The following TRAPPC13 variants were observed in gnomAD, a reference collection of about 807,000 sequenced individuals.
TRAPPC13 encodes REV7-interacting novel NHEJ regulator 1.
Under a neutral mutation model 54.0 loss-of-function variants are expected in TRAPPC13, and 39 were observed. The observed-to-expected ratio is 0.72, with a 90% CI of 0.56 to 0.94. The LOEUF (loss-of-function observed/expected upper bound fraction) is 0.94, where lower values mean the gene tolerates loss of function less well. Among genes scored for constraint, TRAPPC13 ranks in the 40% least tolerant of loss-of-function variants. The probability of loss-of-function intolerance (pLI) is 0.00; values close to 1 mark genes in which losing one functional copy is unlikely to be tolerated. For missense variants in TRAPPC13, 386 were observed against 488.1 expected (o/e 0.79, Z 1.97); for synonymous variants, 148 against 167.7 (o/e 0.88, Z 0.91).
Position 65,630,286 on chromosome 5 carries a change from T to TA in TRAPPC13, c.47-5014dup, listed in dbSNP as rs766461462. On this transcript the variant is annotated intron_variant, in intron 1 of 12. Coordinates refer to ENST00000399438, the MANE Select transcript of TRAPPC13 (RefSeq NM_024941.4). ...GTCTTCTTAAAGGAAGATTAGCTCT[T>TA]ACTGGAAAAATTAATTTATTTGTGC... is the stretch of plus-strand genomic sequence containing the variant. 3.9e-6 allele frequency: 6 copies of TA among 1,532,454 alleles called. No individual in the cohort carries two copies. The Admixed American group carries it at 7.9e-5, about 20-fold the overall frequency. 94.9% of individuals were successfully genotyped at this position (1,532,454 alleles called of 1,614,324 possible). A position where few individuals can be genotyped will look rare whatever the true frequency, so the allele number is the denominator to read the frequency against.
At chr5:65,625,296 C>T (rs529894513) in intron 1 of TRAPPC13, 190 bp downstream of exon 1, 18 of 594,190 alleles carry the variant, frequency 3.0e-5, no homozygotes, top group African/African-American at 2.8e-4. Context: ...CTTTCTAGAA[C>T]GAAATAGATA....
intron 1 of TRAPPC13, chr5:65,630,663 C>A: frequency 9.9e-7 from 1 of 1,008,902 alleles, no homozygotes; most frequent in Non-Finnish European, 1.2e-6. Context: ...TTTTCCTTAC[C>A]TCAAGTGTAA....
At chr5:65,635,889 G>A in intron 2 of TRAPPC13, 55 bp from the exon 3 acceptor site, 6 of 1,104,016 alleles carry the variant, frequency 5.4e-6, no homozygotes, top group South Asian at 4.7e-5. Flanking sequence ...CTTTATATAA[G>A]TAAAAGTTAT....
At chr5:65,662,191 C>A in intron 11 of TRAPPC13, 41 bp downstream of exon 11, 1 of 1,380,090 alleles carries the variant, frequency 7.2e-7, no homozygotes, top group Non-Finnish European at 1.0e-6. Flanking sequence ...TTCTACCTCA[C>A]CTGCCTAGAA....
chr5:65,632,710 G>A (rs1291142092), intron 1 of TRAPPC13, among the ~76,000 whole-genome samples: 1 of 152,182 alleles, frequency 6.6e-6, no homozygotes, highest in Non-Finnish European at 1.5e-5. Context: ...TGTTCAGCTT[G>A]TAAAATATTT....
intron 4 of TRAPPC13, among the ~76,000 whole-genome samples, chr5:65,640,583 G>A (rs944823375): frequency 6.6e-6 from 1 of 152,090 alleles, no homozygotes; most frequent in Non-Finnish European, 1.5e-5. Flanking sequence ...CTCTACATTC[G>A]ATTGTGAAAA....
intron 1 of TRAPPC13, chr5:65,629,741 A>C: frequency 6.5e-7 from 1 of 1,536,106 alleles, no homozygotes; most frequent in Non-Finnish European, 8.7e-7. Context: ...GCTTCCACTC[A>C]GACCTAAAAG....
chr5:65,628,564 C>G (rs146146457), intron 1 of TRAPPC13, among the ~76,000 whole-genome samples: 3 of 151,688 alleles, frequency 2.0e-5, no homozygotes, highest in African/African-American at 7.3e-5. Flanking sequence ...CTCAACCTCC[C>G]GGGTTCAAGC....
chr5:65,654,306 T>G (rs1320514418), intron 7 of TRAPPC13, among the ~76,000 whole-genome samples: 2 of 152,218 alleles, frequency 1.3e-5, no homozygotes, highest in East Asian at 3.8e-4. Flanking sequence ...ATATATAATA[T>G]TCTATTTTTA....
At position 65,658,495 on chromosome 5, in the gene TRAPPC13, G is replaced by A. The variant is rs1273938933; in HGVS notation, c.692G>A (p.Gly231Glu). The A allele has an allele frequency of 6.4e-7, 1 of 1,562,388 alleles. No homozygotes were observed. The highest frequency in any genetic ancestry group is 1.2e-5 in the South Asian group (1 of 83,270). ...VTELNSVSQA[G>E]ECVSTFGSRA... ...GAATTAAATTCAGTCAGCCAAGCTGGAGAATGGTAAATATTAATTTATGAA... is the reference window on the plus strand; with the variant it reads ...GAATTAAATTCAGTCAGCCAAGCTGAAGAATGGTAAATATTAATTTATGAA... The change falls in exon 9 of 13, where the codon GGA (glycine) becomes GAA (glutamate). Residue 231 changes from glycine to glutamate, a missense_variant. Gly to Glu is a moderately conservative substitution (Grantham distance 98). Coordinates refer to ENST00000399438, the MANE Select transcript of TRAPPC13 (RefSeq NM_024941.4).
At chr5:65,638,310 G>A (rs1030110819) in intron 4 of TRAPPC13, among the ~76,000 whole-genome samples, 4 of 152,138 alleles carry the variant, frequency 2.6e-5, no homozygotes, top group Admixed American at 1.3e-4. Flanking sequence ...TTGCTTGGGT[G>A]AGAAAATGTA....
chr5:65,635,891 A>G (rs1432851386), intron 2 of TRAPPC13, 53 bp from the exon 3 acceptor site: 1 of 1,124,526 alleles, frequency 8.9e-7, no homozygotes. Flanking sequence ...TTATATAAGT[A>G]AAAGTTATTT....
chr5:65,630,636 C>A, intron 1 of TRAPPC13: 1 of 1,031,370 alleles, frequency 9.7e-7, no homozygotes, highest in Admixed American at 5.2e-5. Flanking sequence ...TCTCTAAAAT[C>A]TAATTTTACT....
intron 1 of TRAPPC13, chr5:65,635,038 T>C: frequency 1.4e-6 from 1 of 736,656 alleles, no homozygotes; most frequent in Non-Finnish European, 1.7e-6. Flanking sequence ...TTCCAGTTTT[T>C]CTATAATGAA....
Position 65,647,139 on chromosome 5 carries a change from G to C in TRAPPC13, c.385G>C (p.Asp129His). 1 of 1,578,672 alleles carries C rather than the reference G, an allele frequency of 6.3e-7. No individual in the cohort carries two copies. Among genetic ancestry groups the C allele is most frequent in the East Asian group, 2.3e-5 (1 of 44,066 alleles). Residue 129 changes from aspartate to histidine, a missense_variant, in exon 5 of 13, where the codon GAT becomes CAT. Physicochemically the swap from Asp to His is moderately conservative, Grantham distance 81. Coordinates refer to ENST00000399438, the MANE Select transcript of TRAPPC13 (RefSeq NM_024941.4). Reference protein sequence around the residue: ...VAELKPDCCIDDVIHHEVKEI... With the variant: ...VAELKPDCCIHDVIHHEVKEI... ...TGAACTTAAACCGGATTGTTGTATT[G>C]ATGATGTCATACATCATGAAGTCAA...
chr5:65,641,888 T>C (rs1472694341), intron 4 of TRAPPC13, among the ~76,000 whole-genome samples: 1 of 151,558 alleles, frequency 6.6e-6, no homozygotes. Flanking sequence ...TTTTTTTTCC[T>C]ATGAATATAG....
chr5:65,630,665 CA>C, intron 1 of TRAPPC13: 1 of 1,007,342 alleles, frequency 9.9e-7, no homozygotes, highest in Non-Finnish European at 1.2e-6. Context: ...TTCCTTACCT[CA>C]AGTGTAATTT....
At position 65,643,648 on chromosome 5, in the gene TRAPPC13, G is replaced by C. The variant is rs978877223; in HGVS notation, c.301-3407G>C. On this transcript the variant is annotated intron_variant, in intron 4 of 12. Coordinates refer to ENST00000399438, the MANE Select transcript of TRAPPC13 (RefSeq NM_024941.4). ...CCTGGCTAACACGGTGAAACCCTGT[G>C]TCTACTAAAAATACAAAAATTAGCC... 4.5e-4 allele frequency among the ~76,000 whole-genome samples: 69 copies of C among 151,750 alleles called. 1 individual carries two copies. The highest frequency in any genetic ancestry group is 1.5e-3 in the Admixed American group (23 of 15,226).
At chr5:65,652,789 C>T in intron 7 of TRAPPC13, 1 of 486,998 alleles carries the variant, frequency 2.1e-6, no homozygotes. Context: ...CTTTCATCTC[C>T]TTTCGTTAAA....
Sources: gnomAD v4.1 joint callset for allele counts (sites outside exome capture counted in the v4.1 genomes callset) on GRCh38, gnomAD v4.1.1 for gene constraint, MANE v1.5 for transcripts, NCBI Gene and HGNC (gene_info 2026-07-23, HGNC 2026-07-21) for gene names.